Variants in SLC9A9 observed in about 807,000 individuals in gnomAD.
SLC9A9 encodes solute carrier family 9 member A9, also known as sodium/hydrogen exchanger 9.
In SLC9A9, 62 loss-of-function variants were observed where a neutral mutation model predicts 77.8. That is an observed-to-expected ratio of 0.80 (90% CI 0.65 to 0.98). The LOEUF (loss-of-function observed/expected upper bound fraction) is 0.98. SLC9A9 is among the 50% of genes least tolerant of loss of function. The probability of loss-of-function intolerance (pLI) is 0.00; values close to 1 mark genes in which losing one functional copy is unlikely to be tolerated. For missense variants in SLC9A9, 775 were observed against 774.9 expected, an observed-to-expected ratio of 1.00 and a Z score of 0.00; for synonymous variants, 320 against 283.5, an observed-to-expected ratio of 1.13 and a Z score of -1.29.
chr3:143,812,290 A>G (rs1559809509), intron 2 of SLC9A9, among the ~76,000 whole-genome samples: 1 of 152,270 alleles, frequency 6.6e-6, no homozygotes, highest in Non-Finnish European at 1.5e-5. Flanking sequence ...TGTGTGGAAT[A>G]ATATAATTAC....
intron 1 of SLC9A9, among the ~76,000 whole-genome samples, chr3:143,844,109 A>G (rs2009772312): frequency 1.3e-5 from 2 of 152,194 alleles, no homozygotes; most frequent in South Asian, 2.1e-4. Flanking sequence ...TTGGAGTATC[A>G]TATGAATCTC....
intron 14 of SLC9A9, among the ~76,000 whole-genome samples, chr3:143,283,995 T>C (rs899064573): frequency 1.1e-4 from 16 of 152,104 alleles, no homozygotes; most frequent in African/African-American, 3.9e-4. Context: ...AATAATGTTT[T>C]GGTAGTTTGT....
chr3:143,513,456 C>A (rs1406959907), intron 9 of SLC9A9, among the ~76,000 whole-genome samples: 4 of 152,204 alleles, frequency 2.6e-5, no homozygotes, highest in African/African-American at 7.2e-5. Flanking sequence ...TTCGAAGTTA[C>A]TTCCCCCACT....
At chr3:143,720,059 A>G (rs756715632) in intron 4 of SLC9A9, among the ~76,000 whole-genome samples, 5 of 151,856 alleles carry the variant, frequency 3.3e-5, no homozygotes, top group Non-Finnish European at 5.9e-5. Flanking sequence ...AAAGGCTTCC[A>G]AATGAATATT....
At chr3:143,305,246 C>T (rs1194953842) in intron 14 of SLC9A9, among the ~76,000 whole-genome samples, 2 of 152,120 alleles carry the variant, frequency 1.3e-5, no homozygotes, top group Admixed American at 6.5e-5. Context: ...GCAGGTGACT[C>T]GTGTTCCCTC....
At chr3:143,624,412 T>C (rs1452735058) in intron 6 of SLC9A9, among the ~76,000 whole-genome samples, 3 of 152,132 alleles carry the variant, frequency 2.0e-5, no homozygotes, top group Non-Finnish European at 4.4e-5. Flanking sequence ...AAAAGCTTAT[T>C]CACCATGATC....
chr3:143,837,137 A>G (rs1233974709), intron 1 of SLC9A9, among the ~76,000 whole-genome samples: 2 of 152,190 alleles, frequency 1.3e-5, no homozygotes, highest in Non-Finnish European at 2.9e-5. Context: ...AAAGTGTTTT[A>G]AAGGAGATTT....
At chr3:143,625,434 A>G (rs2038304551) in intron 6 of SLC9A9, among the ~76,000 whole-genome samples, 1 of 152,234 alleles carries the variant, frequency 6.6e-6, no homozygotes. Context: ...CCAATGGAAC[A>G]GAACAGAGCC....
chr3:143,401,004 A>C (rs1221866571), intron 12 of SLC9A9, among the ~76,000 whole-genome samples: 3 of 152,068 alleles, frequency 2.0e-5, no homozygotes, highest in African/African-American at 7.2e-5. Context: ...TGGACTGCTG[A>C]CTTTTTCATT....
chr3:143,727,980 C>T (rs531085713), intron 4 of SLC9A9, among the ~76,000 whole-genome samples: 1 of 152,354 alleles, frequency 6.6e-6, no homozygotes, highest in East Asian at 1.9e-4. Flanking sequence ...TAGGCTTCCC[C>T]TCGTTGCCTG....
intron 4 of SLC9A9, among the ~76,000 whole-genome samples, chr3:143,727,105 C>T (rs929503399): frequency 3.9e-4 from 59 of 152,092 alleles, no homozygotes; most frequent in African/African-American, 1.3e-3. Context: ...CTAAGTAGCA[C>T]GACAAAAAGA....
At position 143,666,166 on chromosome 3, in the gene SLC9A9, A is replaced by C. The variant is rs554344558; in HGVS notation, c.650-13806T>G. ...CAAGTCAGCTTCATCCCTGGGATGC[A>C]AGGCTGGTCCAACATATGCAAAGCA... On this transcript the variant is annotated intron_variant, in intron 5 of 15. Coordinates refer to ENST00000316549, the MANE Select transcript of SLC9A9 (RefSeq NM_173653.4). 3.3e-5 allele frequency among the ~76,000 whole-genome samples: 5 copies of C among 152,364 alleles called. No individual in the cohort carries two copies. The South Asian group carries it at 8.3e-4, about 25-fold the overall frequency.
chr3:143,731,979 G>C (rs1934816076), intron 4 of SLC9A9, among the ~76,000 whole-genome samples: 1 of 152,216 alleles, frequency 6.6e-6, no homozygotes, highest in Admixed American at 6.5e-5. Flanking sequence ...TCCAGGAACT[G>C]CCTTGATGTC....
rs1457163442 is a variant in SLC9A9 at position 143,363,532 on chromosome 3, T to C, written c.1556A>G (p.Lys519Arg). ...TCTGAAGAGCCGAGCACTCTCTGCT[T>C]TCGTCATGTTTTTATCCAAGTTATT... ...EANNLDKNMT[K>R]AESARLFRMW... Residue 519 changes from lysine (K) to arginine (R), a missense_variant, in exon 14 of 16, where the codon AAA becomes AGA. By Grantham distance (26) the Lys-to-Arg change is conservative (BLOSUM62 2). Coordinates refer to ENST00000316549, the MANE Select transcript of SLC9A9 (RefSeq NM_173653.4). 3 of 1,612,922 alleles carry C rather than the reference T, an allele frequency of 1.9e-6. No individual in the cohort carries two copies. The East Asian group carries it at 6.7e-5, about 36-fold the overall frequency.
intron 12 of SLC9A9, among the ~76,000 whole-genome samples, chr3:143,383,645 G>C (rs113077606): frequency 5.9e-5 from 9 of 152,342 alleles, no homozygotes; most frequent in African/African-American, 2.2e-4. Context: ...AACTTCCTCT[G>C]TTTCCAGAGA....
At chr3:143,449,728 A>T (rs1466141750) in intron 12 of SLC9A9, among the ~76,000 whole-genome samples, 137 of 35,856 alleles carry the variant, frequency 3.8e-3, no homozygotes, top group East Asian at 0.018. Flanking sequence ...ATAATTATAT[A>T]AAATAATTAT....
intron 4 of SLC9A9, among the ~76,000 whole-genome samples, chr3:143,733,469 T>A (rs1394020165): frequency 6.6e-6 from 1 of 152,034 alleles, no homozygotes; most frequent in Non-Finnish European, 1.5e-5. Context: ...TGGAGCAATT[T>A]GAGAGCACAG....
At chr3:143,841,357 TA>T (rs537764972) in intron 1 of SLC9A9, among the ~76,000 whole-genome samples, 98 of 152,348 alleles carry the variant, frequency 6.4e-4, no homozygotes, top group African/African-American at 2.0e-3. Context: ...TTTTCCTACC[TA>T]AAAAATGGTT....
chr3:143,286,492 G>T (rs1285546627), intron 14 of SLC9A9, among the ~76,000 whole-genome samples: 1 of 152,216 alleles, frequency 6.6e-6, no homozygotes. Context: ...TCTGAAAGGA[G>T]TCCAAGGCAT....
Sources: allele counts gnomAD v4.1 joint callset (sites outside exome capture counted in the v4.1 genomes callset), GRCh38; gene constraint gnomAD v4.1.1; transcripts MANE v1.5; gene names NCBI Gene and HGNC (gene_info 2026-07-23, HGNC 2026-07-21).